Variants in LRRFIP1 observed in about 807,000 individuals in gnomAD.
The protein encoded by LRRFIP1 is LRR binding FLII interacting protein 1.
LRRFIP1 carries 62 observed loss-of-function variants against 104.4 expected under a neutral mutation model. That is an observed-to-expected ratio of 0.59 (90% confidence interval 0.48 to 0.73). The LOEUF is 0.73. Among genes scored for constraint, LRRFIP1 ranks in the 30% least tolerant of loss-of-function variants. LRRFIP1 has a pLI of 0.00. For synonymous variants in LRRFIP1, 300 were observed against 299.0 expected (o/e 1.00, Z -0.03); for missense variants, 796 against 824.5 (o/e 0.97, Z 0.42).
At position 237,730,309 on chromosome 2, in the gene LRRFIP1, C is replaced by T. The variant is rs1338259802; in HGVS notation, c.444+2374C>T. On this transcript the variant is annotated intron_variant, in intron 8 of 23. Coordinates refer to ENST00000308482, the MANE Select transcript of LRRFIP1 (RefSeq NM_001137550.2). ...ACATGTTTACACAACAGAGTTCCTT[C>T]CCATTCTCTACAAACATGCATCGGT... is the stretch of plus-strand genomic sequence containing the variant. Among the ~76,000 whole-genome samples the T allele has an allele frequency of 8.5e-5, 13 of 152,218 alleles. No individual in the cohort carries two copies. The East Asian group carries it at 2.5e-3, about 29-fold the overall frequency.
At chr2:237,652,986 G>A (rs111614967) in intron 1 of LRRFIP1, among the ~76,000 whole-genome samples, 15,336 of 152,166 alleles carry the variant, frequency 0.1, 849 homozygotes, top group African/African-American at 0.13. Context: ...GTTCTCCCGA[G>A]ATCTGGTTGT....
intron 7 of LRRFIP1, among the ~76,000 whole-genome samples, chr2:237,726,945 T>G (rs970038863): frequency 9.9e-5 from 15 of 152,238 alleles, no homozygotes; most frequent in Admixed American, 2.0e-4. Context: ...TATGAAATTA[T>G]TAAATATGTG....
At chr2:237,753,246 C>A in intron 14 of LRRFIP1, 63 bp from the exon 15 acceptor site, 1 of 1,306,172 alleles carries the variant, frequency 7.7e-7, no homozygotes, top group Non-Finnish European at 1.1e-6. Flanking sequence ...TAACAGAATA[C>A]TGAATGATTC....
intron 1 of LRRFIP1, among the ~76,000 whole-genome samples, chr2:237,673,007 G>A (rs575039366): frequency 6.6e-6 from 1 of 152,306 alleles, no homozygotes; most frequent in East Asian, 1.9e-4. Context: ...CGTTTTAGGC[G>A]AAGAACAGAC....
intron 11 of LRRFIP1, among the ~76,000 whole-genome samples, chr2:237,742,613 A>T (rs2057270611): frequency 6.6e-6 from 1 of 152,222 alleles, no homozygotes; most frequent in Non-Finnish European, 1.5e-5. Flanking sequence ...TCTTATACTA[A>T]ATTGACTCCA....
chr2:237,749,056 G>A (rs2058249798), intron 12 of LRRFIP1, 143 bp from the exon 13 acceptor site: 3 of 773,740 alleles, frequency 3.9e-6, no homozygotes, highest in Non-Finnish European at 4.0e-6. Context: ...ACAGCATGGG[G>A]GAAACTGCCC....
intron 1 of LRRFIP1, among the ~76,000 whole-genome samples, chr2:237,679,514 G>A (rs76852197): frequency 0.012 from 1,772 of 152,320 alleles, 25 homozygotes; most frequent in East Asian, 0.047. Flanking sequence ...CGGATTATGT[G>A]TATGTCTAAT....
At chr2:237,734,422 A>G (rs1374063103) in intron 9 of LRRFIP1, among the ~76,000 whole-genome samples, 1 of 151,924 alleles carries the variant, frequency 6.6e-6, no homozygotes, top group Non-Finnish European at 1.5e-5. Flanking sequence ...CTGGGATTAC[A>G]GGCACGTGTC....
At chr2:237,638,000 T>C (rs1183491727) in intron 1 of LRRFIP1, among the ~76,000 whole-genome samples, 1 of 152,180 alleles carries the variant, frequency 6.6e-6, no homozygotes, top group Admixed American at 6.5e-5. Context: ...GCCCCCAATC[T>C]TTTTGGCACC....
intron 3 of LRRFIP1, among the ~76,000 whole-genome samples, chr2:237,716,248 A>C (rs987770657): frequency 6.6e-6 from 1 of 152,260 alleles, no homozygotes; most frequent in African/African-American, 2.4e-5. Context: ...AATGCAAAAT[A>C]GCTTTAAGCT....
chr2:237,767,905 T>A (rs942633519), intron 19 of LRRFIP1, among the ~76,000 whole-genome samples: 3 of 152,226 alleles, frequency 2.0e-5, no homozygotes, highest in Admixed American at 1.3e-4. Flanking sequence ...GTTCAGAATA[T>A]GTACTTGTTC....
Position 237,779,483 on chromosome 2 carries a change from G to C in LRRFIP1, c.1874G>C (p.Arg625Pro). The change falls in exon 24 of 24, where the codon CGT (arginine) becomes CCT (proline). Residue 625 changes from arginine (R) to proline (P), a missense_variant. Arg to Pro is a moderately radical substitution (Grantham distance 103). Transcript: ENST00000308482. ...LEVSNGHLVK[R>P]LEKMKANRSA... ...GTGAGCAACGGCCACTTAGTGAAGC[G>C]TCTGGAAAAAATGAAAGCAAATCGG... is the stretch of plus-strand genomic sequence containing the variant. 1.9e-6 allele frequency: 3 copies of C among 1,613,812 alleles called. No individual in the cohort carries two copies. Among genetic ancestry groups the C allele is most frequent in the Non-Finnish European group, 2.5e-6 (3 of 1,179,748 alleles).
intron 2 of LRRFIP1, among the ~76,000 whole-genome samples, chr2:237,713,226 C>G (rs1270456954): frequency 1.3e-5 from 2 of 152,216 alleles, no homozygotes; most frequent in Non-Finnish European, 2.9e-5. Context: ...CAGGCCAGCT[C>G]TAGCCCACCC....
chr2:237,746,472 C>T, intron 11 of LRRFIP1, among the ~76,000 whole-genome samples: 1 of 152,280 alleles, frequency 6.6e-6, no homozygotes, highest in East Asian at 1.9e-4. Context: ...TGCAGGGCTT[C>T]TGGGGCTCTG....
intron 7 of LRRFIP1, among the ~76,000 whole-genome samples, chr2:237,725,848 A>G (rs924253155): frequency 6.6e-6 from 1 of 152,240 alleles, no homozygotes; most frequent in African/African-American, 2.4e-5. Context: ...ACTACAGTGC[A>G]AAGGACAGGG....
At chr2:237,660,388 G>A (rs928031016) in intron 1 of LRRFIP1, among the ~76,000 whole-genome samples, 1 of 152,098 alleles carries the variant, frequency 6.6e-6, no homozygotes, top group African/African-American at 2.4e-5. Context: ...GGGACATAGG[G>A]ACCCCTGTGC....
rs140900766 is a variant in LRRFIP1, at chr2:237,718,208, A to G, written c.249+399A>G. Among the ~76,000 whole-genome samples the G allele has an allele frequency of 3.2e-4, 48 of 152,376 alleles. 1 individual carries two copies. Among genetic ancestry groups the G allele is most frequent in the African/African-American group, 1.1e-3 (44 of 41,600 alleles). On this transcript the variant is annotated intron_variant, in intron 4 of 23. Transcript: ENST00000308482. ...ATTCCCATTGGCTTCGCAGCTCACC[A>G]GGCTGTGGTTGGAACCTGAGAGGTA...
intron 1 of LRRFIP1, among the ~76,000 whole-genome samples, chr2:237,699,716 C>G (rs139582021): frequency 1.4e-4 from 22 of 152,366 alleles, no homozygotes; most frequent in Middle Eastern, 3.4e-3. Flanking sequence ...GCAGGCGTGT[C>G]TGAATGCGGG....
chr2:237,691,440 C>T lies in LRRFIP1; in HGVS notation c.97-17104C>T, dbSNP rs540337837. Among the ~76,000 whole-genome samples, 215 of 152,286 alleles carry T rather than the reference C, an allele frequency of 1.4e-3. 2 individuals are homozygous for T. The highest frequency in any genetic ancestry group is 3.8e-3 in the Admixed American group (58 of 15,306). On this transcript the variant is annotated intron_variant, in intron 1 of 23. Coordinates refer to ENST00000308482, the MANE Select transcript of LRRFIP1 (RefSeq NM_001137550.2). The surrounding 1 kb of genome is among the most constrained non-coding windows in gnomAD (Gnocchi z 5.4). ...CGACGCCAGATCGGCCCCAGCGGCCCGCACCCGCACCCTGCAAGCTCGTTC... is the reference window on the plus strand; with the variant it reads ...CGACGCCAGATCGGCCCCAGCGGCCTGCACCCGCACCCTGCAAGCTCGTTC...
Sources: gnomAD v4.1 joint callset for allele counts (sites outside exome capture counted in the v4.1 genomes callset) on GRCh38, gnomAD v4.1.1 for gene constraint, Gnocchi (gnomAD v3.1) non-coding constraint, MANE v1.5 for transcripts, NCBI Gene and HGNC (gene_info 2026-07-23, HGNC 2026-07-21) for gene names.